Variants in FNTA observed in about 807,000 individuals in gnomAD.
FNTA encodes protein farnesyltransferase/geranylgeranyltransferase type-1 subunit alpha.
FNTA carries 27 observed loss-of-function variants against 55.2 expected under a neutral mutation model. That is an observed-to-expected ratio of 0.49 (90% CI 0.36 to 0.67). FNTA has a LOEUF of 0.67. Among genes scored for constraint, FNTA ranks in the 30% least tolerant of loss-of-function variants. FNTA has a pLI of 0.00. For synonymous variants in FNTA, 176 were observed against 170.7 expected (o/e 1.03, Z -0.24); for missense variants, 422 against 464.7 (o/e 0.91, Z 0.85).
intron 7 of FNTA, among the ~76,000 whole-genome samples, chr8:43,083,500 C>T (rs1431769425): frequency 1.3e-5 from 2 of 152,120 alleles, no homozygotes; most frequent in African/African-American, 2.4e-5. Flanking sequence ...CTCAGGAACA[C>T]AGTAAAGCGG....
chr8:43,060,960 A>C (rs1810517658), intron 2 of FNTA, among the ~76,000 whole-genome samples: 1 of 152,210 alleles, frequency 6.6e-6, no homozygotes, highest in Non-Finnish European at 1.5e-5. Flanking sequence ...CTGGCAATTC[A>C]CAGAAAAGAA....
chr8:43,068,822 C>G (rs1586656576), intron 3 of FNTA, among the ~76,000 whole-genome samples: 1 of 152,334 alleles, frequency 6.6e-6, no homozygotes, highest in East Asian at 1.9e-4. Context: ...AAGTGATTCT[C>G]CTGCCTCAGT....
chr8:43,062,171 TTATG>T (rs769511081), intron 2 of FNTA, among the ~76,000 whole-genome samples: 104 of 75,062 alleles, frequency 1.4e-3, no homozygotes, highest in Middle Eastern at 6.0e-3. Flanking sequence ...TGTGTATGTT[TTATG>T]TGTGTGTGTG....
intron 2 of FNTA, among the ~76,000 whole-genome samples, chr8:43,061,151 A>C (rs1810520680): frequency 6.6e-6 from 1 of 152,236 alleles, no homozygotes; most frequent in African/African-American, 2.4e-5. Context: ...TCGAATGTTT[A>C]GCCATTTTGG....
chr8:43,058,166 A>G (rs1282824895), intron 1 of FNTA, among the ~76,000 whole-genome samples: 2 of 152,086 alleles, frequency 1.3e-5, no homozygotes, highest in Non-Finnish European at 2.9e-5. Flanking sequence ...AATCCTCCAA[A>G]TACCCTTCTA....
chr8:43,068,991 C>T (rs866843802), intron 3 of FNTA, among the ~76,000 whole-genome samples: 2 of 152,122 alleles, frequency 1.3e-5, no homozygotes, highest in African/African-American at 2.4e-5. Context: ...GGGTTACAGG[C>T]GTGAGCCACT....
chr8:43,071,333 A>T (rs1810785475), intron 4 of FNTA, among the ~76,000 whole-genome samples: 1 of 152,182 alleles, frequency 6.6e-6, no homozygotes, highest in Admixed American at 6.5e-5. Context: ...AAAGAAAATT[A>T]TAAAAATGGA....
rs945754308 is a variant in FNTA at position 43,056,528 on chromosome 8, C to G, written c.182C>G (p.Pro61Arg). 1.3e-6 allele frequency: 2 copies of G among 1,547,670 alleles called. No individual in the cohort carries two copies. The highest frequency in any genetic ancestry group is 1.7e-6 in the Non-Finnish European group (2 of 1,150,432). Residue 61 changes from proline to arginine, a missense_variant, in exon 1 of 9, where the codon CCC becomes CGC. Pro to Arg is a moderately radical substitution (Grantham distance 103). This residue lies in a region of FNTA where 160 missense variants were observed against 121.6 expected (regional missense o/e 1.32). Transcript: ENST00000302279. ...GACGGGTTTGTGAGCCTGGACTCGC[C>G]CTCCTATGTCCTGTACAGGTAACGC... ...MDDGFVSLDS[P>R]SYVLYRDRAE... is the part of the protein sequence containing the mutation.
chr8:43,062,819 A>G (rs1204664373), intron 2 of FNTA, among the ~76,000 whole-genome samples: 1 of 152,248 alleles, frequency 6.6e-6, no homozygotes, highest in African/African-American at 2.4e-5. Flanking sequence ...GACATTACCC[A>G]GAGTTAGCAC....
At chr8:43,075,716 T>C (rs1372548806) in intron 5 of FNTA, among the ~76,000 whole-genome samples, 2 of 152,146 alleles carry the variant, frequency 1.3e-5, no homozygotes, top group African/African-American at 4.8e-5. Context: ...CTTGAGGAGC[T>C]GAGGCAAGAA....
intron 2 of FNTA, 83 bp from the exon 3 acceptor site, chr8:43,064,018 C>G: frequency 1.2e-6 from 1 of 845,034 alleles, no homozygotes; most frequent in South Asian, 1.6e-5. Flanking sequence ...AATAAAATAT[C>G]TTTATAGGTA....
rs538995197 is a variant in FNTA at position 43,084,359 on chromosome 8, A to G, written c.846-351A>G. On this transcript the variant is annotated intron_variant, in intron 7 of 8. Transcript: ENST00000302279. ...CTCAGCCTCCCAAGTAGCTGAGACTATAGGTGCCACCACTAGGCATGGCTG... is the reference window on the plus strand; with the variant it reads ...CTCAGCCTCCCAAGTAGCTGAGACTGTAGGTGCCACCACTAGGCATGGCTG... Among the ~76,000 whole-genome samples, 27 of 151,496 alleles carry G rather than the reference A, an allele frequency of 1.8e-4. 1 individual carries two copies. The highest frequency in any genetic ancestry group is 6.3e-4 in the African/African-American group (26 of 41,292).
intron 6 of FNTA, chr8:43,081,396 C>T (rs1025285860): frequency 6.6e-6 from 1 of 152,126 alleles, no homozygotes; most frequent in Non-Finnish European, 1.5e-5. Context: ...CTACCAATAA[C>T]AGCATTTATC....
At chr8:43,069,691 C>T in intron 4 of FNTA, 32 bp downstream of exon 4, 1 of 1,400,218 alleles carries the variant, frequency 7.1e-7, no homozygotes, top group Middle Eastern at 2.3e-4. Flanking sequence ...GTCTCCCAGG[C>T]TGGAGTGCAG....
At position 43,071,318 on chromosome 8, in the gene FNTA, C is replaced by T. The variant is rs190057164; in HGVS notation, c.507-863C>T. 1.1e-4 allele frequency among the ~76,000 whole-genome samples: 16 copies of T among 152,232 alleles called. No individual in the cohort carries two copies. In the East Asian group the frequency reaches 3.1e-3, roughly 29 times the overall value. On this transcript the variant is annotated intron_variant, in intron 4 of 8. Transcript: ENST00000302279. ...CACTAATAGATTTATATAAATATTT[C>T]AGCCAAAGAAAATTATAAAAATGGA...
intron 8 of FNTA, 133 bp downstream of exon 8, chr8:43,085,014 C>A (rs1811098320): frequency 8.9e-7 from 1 of 1,122,398 alleles, no homozygotes. Context: ...TTAGGGGCAG[C>A]ATTGACATCA....
chr8:43,066,848 C>CT (rs1810673055), intron 3 of FNTA, among the ~76,000 whole-genome samples: 1 of 152,082 alleles, frequency 6.6e-6, no homozygotes, highest in South Asian at 2.1e-4. Flanking sequence ...GTATTTAAGT[C>CT]TTTTCTCTTG....
intron 4 of FNTA, chr8:43,069,969 T>TGTAG (rs1460490205): frequency 1.1e-4 from 21 of 194,620 alleles, no homozygotes; most frequent in Admixed American, 2.8e-4. Context: ...AAACTACCAC[T>TGTAG]GTAGCCAGGT....
Position 43,083,186 on chromosome 8 carries a change from A to G in FNTA, c.845+6A>G, listed in dbSNP as rs141211752. 400 of 1,570,574 alleles carry G rather than the reference A, an allele frequency of 2.5e-4. 1 individual carries two copies. In the East Asian group the frequency reaches 7.4e-3, roughly 29 times the overall value. On this transcript the variant is annotated splice_donor_region_variant and intron_variant, in intron 7 of 8. Transcript: ENST00000302279. ...GCATGGAACTATTTGAAAGGGTAAGAGGTTGTTTTTGCTTTTTTTATATAT... is the reference window on the plus strand; with the variant it reads ...GCATGGAACTATTTGAAAGGGTAAGGGGTTGTTTTTGCTTTTTTTATATAT...
Sources: allele counts gnomAD v4.1 joint callset (sites outside exome capture counted in the v4.1 genomes callset), GRCh38; gene constraint gnomAD v4.1.1; regional missense constraint gnomAD v4.1.1; transcripts MANE v1.5; gene names NCBI Gene and HGNC (gene_info 2026-07-23, HGNC 2026-07-21).